COL6A3: variants seen among roughly 807,000 people sequenced by gnomAD.
COL6A3 encodes the protein collagen type VI alpha 3 chain.
Under a neutral mutation model 274.1 loss-of-function variants are expected in COL6A3, and 137 were observed. That is an observed-to-expected ratio of 0.50 (90% CI 0.44 to 0.58). COL6A3 has a LOEUF of 0.58. Among genes scored for constraint, COL6A3 ranks in the 20% least tolerant of loss-of-function variants. The pLI is 0.00. For synonymous variants in COL6A3, 1,650 were observed against 1,650.6 expected (o/e 1.00, Z 0.01); for missense variants, 3,950 against 4,124.9 (o/e 0.96, Z 1.16).
chr2:237,380,375 A>G (rs1260723471), intron 5 of COL6A3, among the ~76,000 whole-genome samples: 1 of 152,238 alleles, frequency 6.6e-6, no homozygotes, highest in African/African-American at 2.4e-5. Context: ...TAAATGAGGG[A>G]TTTGAAGAAC....
At chr2:237,338,426 G>A (rs540785459) in intron 39 of COL6A3, among the ~76,000 whole-genome samples, 1 of 152,274 alleles carries the variant, frequency 6.6e-6, no homozygotes, top group East Asian at 1.9e-4. Flanking sequence ...CCACCCAGTT[G>A]AGCCCAAACA....
Position 237,394,715 on chromosome 2 carries a change from T to G in COL6A3, c.581A>C (p.Asn194Thr). The change falls in exon 3 of 44, where the codon AAT becomes ACT. Residue 194 changes from asparagine to threonine, a missense_variant. Physicochemically the swap from Asn to Thr is moderately conservative, Grantham distance 65. Coordinates refer to ENST00000295550, the MANE Select transcript of COL6A3 (RefSeq NM_004369.4). Reference protein sequence around the residue: ...ALKEIASEPLNMHMFNLENFT... With the variant: ...ALKEIASEPLTMHMFNLENFT... ...ATTCTCTAGGTTGAACATATGCATATTGAGCGGTTCACTTGCTATTTCTTT... is the reference window on the plus strand; with the variant it reads ...ATTCTCTAGGTTGAACATATGCATAGTGAGCGGTTCACTTGCTATTTCTTT... The G allele has an allele frequency of 6.2e-7, 1 of 1,614,222 alleles. No individual in the cohort carries two copies. Among genetic ancestry groups the G allele is most frequent in the Non-Finnish European group, 8.5e-7 (1 of 1,180,036 alleles).
At chr2:237,405,580 C>T (rs567489619) in intron 1 of COL6A3, among the ~76,000 whole-genome samples, 1 of 152,046 alleles carries the variant, frequency 6.6e-6, no homozygotes, top group African/African-American at 2.4e-5. Flanking sequence ...ATTTCACGCC[C>T]TCCTCCCAAC....
intron 1 of COL6A3, among the ~76,000 whole-genome samples, chr2:237,408,029 T>C (rs563053471): frequency 6.6e-6 from 1 of 152,364 alleles, no homozygotes; most frequent in African/African-American, 2.4e-5. Context: ...AAAACTGTGG[T>C]GTTCCACTGT....
At chr2:237,399,614 C>T (rs1317102019) in intron 1 of COL6A3, among the ~76,000 whole-genome samples, 1 of 152,214 alleles carries the variant, frequency 6.6e-6, no homozygotes, top group Non-Finnish European at 1.5e-5. Context: ...TTACAATATA[C>T]CTTAATATAT....
At position 237,364,737 on chromosome 2, in the gene COL6A3, T is replaced by C. The variant is rs906984707; in HGVS notation, c.5839-309A>G. Among the ~76,000 whole-genome samples, 26 of 151,210 alleles carry C rather than the reference T, an allele frequency of 1.7e-4. No individual in the cohort carries two copies. The highest frequency in any genetic ancestry group is 1.7e-3 in the Admixed American group (25 of 15,104). ...AATCATATGCATATGTGTGCATGCA[T>C]GTGTGCGTGCATGTGTGTGCATGTG... On this transcript the variant is annotated intron_variant, in intron 12 of 43. Coordinates refer to ENST00000295550, the MANE Select transcript of COL6A3 (RefSeq NM_004369.4). The surrounding 1 kb of genome is among the most constrained non-coding windows in gnomAD (Gnocchi z 4.6).
chr2:237,398,284 TCCCATAC>T, intron 1 of COL6A3, among the ~76,000 whole-genome samples: 1 of 152,300 alleles, frequency 6.6e-6, no homozygotes, highest in South Asian at 2.1e-4. Context: ...ATGCAGAGTC[TCCCATAC>T]CCACGCGCCT....
intron 3 of COL6A3, among the ~76,000 whole-genome samples, chr2:237,390,824 A>T (rs753306293): frequency 1.3e-5 from 2 of 152,232 alleles, no homozygotes; most frequent in Non-Finnish European, 2.9e-5. Context: ...GAGAAAAGAA[A>T]GCTGATGCCA....
intron 3 of COL6A3, among the ~76,000 whole-genome samples, chr2:237,389,514 A>C (rs970438795): frequency 6.6e-6 from 1 of 152,204 alleles, no homozygotes; most frequent in Non-Finnish European, 1.5e-5. Flanking sequence ...TTTTATATTT[A>C]AAATTAATGT....
At chr2:237,357,754 G>A (rs529865033) in intron 22 of COL6A3, 63 bp downstream of exon 22, 64 of 1,544,368 alleles carry the variant, frequency 4.1e-5, no homozygotes, top group Admixed American at 2.2e-4. Flanking sequence ...CTGATGAGCC[G>A]AGAAGTGTGT....
Position 237,336,363 on chromosome 2 carries a change from C to A in COL6A3, c.8737G>T (p.Ala2913Ser). 6.2e-7 allele frequency: 1 copy of A among 1,614,140 alleles called. No homozygotes were observed. Among genetic ancestry groups the A allele is most frequent in the South Asian group, 1.1e-5 (1 of 91,078 alleles). ...PSVKPAAAKP[A>S]PAKPVAAKPV... Reference sequence around the variant, plus strand: ...TTGGCAGCCACAGGTTTCGCAGGGGCCGGCTTTGCAGCGGCTGGCTTCACA... The same window carrying A: ...TTGGCAGCCACAGGTTTCGCAGGGGACGGCTTTGCAGCGGCTGGCTTCACA... The change falls in exon 40 of 44, where the codon GCC becomes TCC. Residue 2913 changes from alanine (A) to serine (S), a missense_variant. Ala to Ser is a moderately conservative substitution (Grantham distance 99). Transcript: ENST00000295550.
At position 237,324,118 on chromosome 2, in the gene COL6A3, AAC is replaced by A. The variant is rs1313685443; in HGVS notation, c.*654_*655del. The A allele has an allele frequency of 6.6e-6, 1 of 152,606 alleles. No homozygotes were observed. The highest frequency in any genetic ancestry group is 1.5e-5 in the Non-Finnish European group (1 of 68,028). The allele number at this position is 152,606 out of a possible 1,614,324, so 9.5% of individuals were successfully genotyped here. ...CTCCCTCCAGCACACACAAAAAAAA[AAC>A]ACACAACATTAGAGGAATGCCAAAA... is the stretch of plus-strand genomic sequence containing the variant. On this transcript the variant is annotated 3_prime_UTR_variant, in exon 44 of 44. Transcript: ENST00000295550.
rs1347558525 is a variant in COL6A3 at position 237,361,962 on chromosome 2, C to T, written c.6064-131G>A. 1.2e-6 allele frequency: 1 copy of T among 825,750 alleles called. No homozygotes were observed. Among genetic ancestry groups the T allele is most frequent in the Non-Finnish European group, 2.1e-6 (1 of 485,300 alleles). 51.2% of individuals were successfully genotyped at this position (825,750 alleles called of 1,614,324 possible). ...TGTGAGATGAAGTCCCTCCAGGTGA[C>T]ATTTGCTGGACGACTGACGATATGA... On this transcript the variant is annotated intron_variant, in intron 14 of 43. Coordinates refer to ENST00000295550, the MANE Select transcript of COL6A3 (RefSeq NM_004369.4). The surrounding 1 kb of genome is among the most constrained non-coding windows in gnomAD (Gnocchi z 5.1).
Position 237,368,956 on chromosome 2 carries a change from T to C in COL6A3, c.4507A>G (p.Ile1503Val). ...CCCCCTCTGAGCCTCAGGCGCCGTATGGCGTCCAGCACCGGGGCCTGGGAT... is the reference window on the plus strand; with the variant it reads ...CCCCCTCTGAGCCTCAGGCGCCGTACGGCGTCCAGCACCGGGGCCTGGGAT... ...YRSQAPVLDAIRRLRLRGGSP... is the reference protein window; with the variant it reads ...YRSQAPVLDAVRRLRLRGGSP... The change falls in exon 10 of 44, where the codon ATA becomes GTA. Residue 1503 changes from isoleucine (I) to valine (V), a missense_variant. Ile to Val is a conservative substitution (Grantham distance 29). This residue lies in a region of COL6A3 where 1,934 missense variants were observed against 1,984.3 expected (regional missense o/e 0.97). Transcript: ENST00000295550. The surrounding 1 kb of genome is among the most constrained non-coding windows in gnomAD (Gnocchi z 4.4). The C allele has an allele frequency of 1.9e-6, 3 of 1,614,246 alleles. No individual in the cohort carries two copies. Among genetic ancestry groups the C allele is most frequent in the East Asian group, 2.2e-5 (1 of 44,886 alleles).
Position 237,412,107 on chromosome 2 carries a change from C to T in COL6A3, c.-31+1846G>A, listed in dbSNP as rs567816145. Among the ~76,000 whole-genome samples, 8 of 152,346 alleles carry T rather than the reference C, an allele frequency of 5.3e-5. No homozygotes were observed. In the South Asian group the frequency reaches 1.2e-3, roughly 24 times the overall value. The stretch of plus-strand genomic sequence containing the variant: ...TCTGGGTAGCAAGAAACCCCCTAAA[C>T]AAAGAAGTCCAGACAGGCAGCTGTT... On this transcript the variant is annotated intron_variant, in intron 1 of 43. Coordinates refer to ENST00000295550, the MANE Select transcript of COL6A3 (RefSeq NM_004369.4).
At chr2:237,352,900 T>C (rs1032352528) in intron 25 of COL6A3, among the ~76,000 whole-genome samples, 1 of 152,192 alleles carries the variant, frequency 6.6e-6, no homozygotes, top group African/African-American at 2.4e-5. Context: ...AATGAGTGGA[T>C]AAACAAAGTG....
At chr2:237,336,903 T>C (rs1232486736) in intron 39 of COL6A3, among the ~76,000 whole-genome samples, 1 of 152,202 alleles carries the variant, frequency 6.6e-6, no homozygotes, top group Non-Finnish European at 1.5e-5. Flanking sequence ...ATGAAATCAG[T>C]AGTTAGCTAC....
rs1298472343 is a variant in COL6A3, at chr2:237,361,248, C to T, written c.6157-74G>A. The T allele has an allele frequency of 2.2e-6, 3 of 1,393,842 alleles. No homozygotes were observed. The highest frequency in any genetic ancestry group is 1.8e-4 in the Middle Eastern group (1 of 5,514). 86.3% of individuals were successfully genotyped at this position (1,393,842 alleles called of 1,614,324 possible). On this transcript the variant is annotated intron_variant, in intron 15 of 43. Coordinates refer to ENST00000295550, the MANE Select transcript of COL6A3 (RefSeq NM_004369.4). The surrounding 1 kb of genome is among the most constrained non-coding windows in gnomAD (Gnocchi z 5.1). ...CTCTACAGTAAGAATCCCTGTGGTCCCCCTTCATTTGGCAGAGCAGCACTA... is the reference window on the plus strand; with the variant it reads ...CTCTACAGTAAGAATCCCTGTGGTCTCCCTTCATTTGGCAGAGCAGCACTA...
In COL6A3 at chr2:237,366,697, A is replaced by G. The variant is rs767222705; in HGVS notation, c.5490T>C (p.Asp1830=). 1 of 1,614,260 alleles carries G rather than the reference A, an allele frequency of 6.2e-7. No individual in the cohort carries two copies. Among genetic ancestry groups the G allele is most frequent in the South Asian group, 1.1e-5 (1 of 91,084 alleles). ...MHETLCPGVT[D]AAKACNLDVI... is the part of the protein sequence containing the mutation. ...CATAATGGGAGTTACCTTTGGCAGC[A>G]TCAGTTACACCAGGGCAAAGGGTTT... The change falls in exon 11 of 44, where the codon GAT becomes GAC. Residue 1830 remains aspartate (D), a synonymous_variant. Coordinates refer to ENST00000295550, the MANE Select transcript of COL6A3 (RefSeq NM_004369.4).
Sources: gnomAD v4.1 joint callset for allele counts (sites outside exome capture counted in the v4.1 genomes callset) on GRCh38, gnomAD v4.1.1 for gene constraint, gnomAD v4.1.1 regional missense constraint, Gnocchi (gnomAD v3.1) non-coding constraint, MANE v1.5 for transcripts, NCBI Gene and HGNC (gene_info 2026-07-23, HGNC 2026-07-21) for gene names.